Variants in DCHS2 observed in about 807,000 individuals in gnomAD.
DCHS2 encodes the protein protocadherin-23.
In DCHS2, 142 loss-of-function variants were observed where a neutral mutation model predicts 182.4. The observed-to-expected ratio is 0.78, with a 90% CI of 0.68 to 0.89. The LOEUF is 0.89. DCHS2 is among the 40% of genes least tolerant of loss of function. The pLI is 0.00. For synonymous variants in DCHS2, 1,740 were observed against 1,663.3 expected, an observed-to-expected ratio of 1.05 and a Z score of -1.12; for missense variants, 4,319 against 4,198.6, an observed-to-expected ratio of 1.03 and a Z score of -0.79.
intron 12 of DCHS2, among the ~76,000 whole-genome samples, chr4:154,300,327 A>C (rs2130705): frequency 0.29 from 43,460 of 151,758 alleles, 7,059 homozygotes; most frequent in East Asian, 0.47. Context: ...AGGATTTTGG[A>C]CAGGAAAGTG....
At position 154,474,497 on chromosome 4, in the gene DCHS2, G is replaced by A. The variant is rs191758929; in HGVS notation, c.2052+14807C>T. Among the ~76,000 whole-genome samples the A allele has an allele frequency of 2.6e-5, 4 of 152,280 alleles. No homozygotes were observed. In the East Asian group the frequency reaches 7.8e-4, roughly 30 times the overall value. ...ATCTGAAGGGCACCTCCATCCCAGA[G>A]CTCCCTACAGGAGAGACTGAGGTCT... On this transcript the variant is annotated intron_variant, in intron 1 of 19. Transcript: ENST00000357232.
chr4:154,489,997 C>T lies in DCHS2; in HGVS notation c.1359G>A (p.Glu453=). The change falls in exon 1 of 20, where the codon GAG becomes GAA. Residue 453 remains glutamate, a synonymous_variant. Coordinates refer to ENST00000357232, the MANE Select transcript of DCHS2 (RefSeq NM_001358235.2). ...DADGDWEKED[E]ATGELGVGLG... is the part of the protein sequence containing the mutation. ...GACCCACACCAAGCTCCCCTGTGGC[C>T]TCATCTTCCTTCTCCCAGTCACCGT... The T allele has an allele frequency of 1.3e-6, 2 of 1,549,846 alleles. No homozygotes were observed. The highest frequency in any genetic ancestry group is 1.7e-6 in the Non-Finnish European group (2 of 1,146,894).
Position 154,298,432 on chromosome 4 carries a change from T to A in DCHS2, c.5882A>T (p.Asp1961Val), listed in dbSNP as rs775222616. 3.7e-6 allele frequency: 6 copies of A among 1,614,086 alleles called. No homozygotes were observed. The highest frequency in any genetic ancestry group is 1.7e-5 in the Admixed American group (1 of 60,002). ...VVLVLSAVDKDEGLNGQTEYF... is the reference protein window; with the variant it reads ...VVLVLSAVDKVEGLNGQTEYF... ...CTCAGTTTGCCCATTCAGGCCTTCA[T>A]CCTTGTCCACAGCTGAAAGCACAAG... The change falls in exon 13 of 20, where the codon GAT becomes GTT. Residue 1961 changes from aspartate (D) to valine (V), a missense_variant. By Grantham distance (152) the Asp-to-Val change is radical. Coordinates refer to ENST00000357232, the MANE Select transcript of DCHS2 (RefSeq NM_001358235.2).
chr4:154,273,629 A>G (rs978276526), intron 13 of DCHS2, among the ~76,000 whole-genome samples: 1 of 152,040 alleles, frequency 6.6e-6, no homozygotes, highest in Non-Finnish European at 1.5e-5. Flanking sequence ...TAAAAGAAAC[A>G]AAAAAACAAA....
rs1389425299 is a variant in DCHS2 at position 154,490,437 on chromosome 4, C to G, written c.919G>C (p.Glu307Gln). Residue 307 changes from glutamate to glutamine, a missense_variant, in exon 1 of 20, where the codon GAG (glutamate) becomes CAG (glutamine). Glu to Gln is a conservative substitution (Grantham distance 29). Coordinates refer to ENST00000357232, the MANE Select transcript of DCHS2 (RefSeq NM_001358235.2). ...ACCTCGGCGCCCGGCTGGGCGTCCT[C>G]GCGCACCGCGGCGCGGTACTCGTCC... The part of the protein sequence containing the change: ...EQDEYRAAVR[E>Q]DAQPGAEVCR... 4 of 1,534,552 alleles carry G rather than the reference C, an allele frequency of 2.6e-6. No individual in the cohort carries two copies. Among genetic ancestry groups the G allele is most frequent in the African/African-American group, 1.4e-5 (1 of 72,898 alleles).
At chr4:154,375,814 A>G (rs1023082276) in intron 2 of DCHS2, among the ~76,000 whole-genome samples, 8 of 152,206 alleles carry the variant, frequency 5.3e-5, no homozygotes, top group Admixed American at 4.6e-4. Context: ...TGTTAAAAGA[A>G]GCATAGCCTA....
At chr4:154,452,815 T>C (rs2110979993) in intron 1 of DCHS2, among the ~76,000 whole-genome samples, 1 of 152,320 alleles carries the variant, frequency 6.6e-6, no homozygotes, top group Middle Eastern at 3.4e-3. Context: ...TGTTACTTAT[T>C]ACAAATTGAG....
At chr4:154,475,618 A>G (rs1735650072) in intron 1 of DCHS2, among the ~76,000 whole-genome samples, 1 of 152,202 alleles carries the variant, frequency 6.6e-6, no homozygotes, top group Admixed American at 6.6e-5. Context: ...TTAACCCAGC[A>G]GGCAGAGGAC....
rs541331021 is a variant in DCHS2 at position 154,481,852 on chromosome 4, A to C, written c.2052+7452T>G. 6.6e-5 allele frequency among the ~76,000 whole-genome samples: 10 copies of C among 152,344 alleles called. No individual in the cohort carries two copies. In the South Asian group the frequency reaches 8.3e-4, roughly 13 times the overall value. ...TTGGGTATGTTTCACTCTGCATTGC[A>C]AGCTTTTATCCACGGGATTACTCTT... is the stretch of plus-strand genomic sequence containing the variant. On this transcript the variant is annotated intron_variant, in intron 1 of 19. Transcript: ENST00000357232.
chr4:154,237,460 C>A (rs1052580601), intron 19 of DCHS2: 1 of 221,232 alleles, frequency 4.5e-6, no homozygotes. Context: ...TTCCACTATT[C>A]TTAAAAAATA....
chr4:154,291,317 G>A (rs190455648), intron 13 of DCHS2, among the ~76,000 whole-genome samples: 3 of 152,048 alleles, frequency 2.0e-5, no homozygotes, highest in Admixed American at 1.3e-4. Flanking sequence ...TGTTGAGAAA[G>A]GGGAATCCTT....
intron 14 of DCHS2, among the ~76,000 whole-genome samples, chr4:154,263,968 A>T (rs1220169099): frequency 2.6e-5 from 4 of 151,702 alleles, no homozygotes; most frequent in Non-Finnish European, 5.9e-5. Flanking sequence ...TTTTTTTTTT[A>T]ACCTTGGTGT....
rs3063678 is a variant in DCHS2, at chr4:154,446,960, G to GCACACA, written c.2052+42338_2052+42343dup. On this transcript the variant is annotated intron_variant, in intron 1 of 19. Transcript: ENST00000357232. The stretch of plus-strand genomic sequence containing the variant: ...TACACACAGGCACACTCATACACAC[G>GCACACA]CACACACACACACACACATAATAAA... Among the ~76,000 whole-genome samples, 3 of 150,346 alleles carry GCACACA rather than the reference G, an allele frequency of 2.0e-5. No homozygotes were observed. In the South Asian group the frequency reaches 6.3e-4, roughly 32 times the overall value.
chr4:154,423,458 C>T (rs1383533141), intron 1 of DCHS2, among the ~76,000 whole-genome samples: 1 of 152,154 alleles, frequency 6.6e-6, no homozygotes, highest in Admixed American at 6.5e-5. Flanking sequence ...AAATGTAAGT[C>T]CTACAAAACC....
intron 3 of DCHS2, among the ~76,000 whole-genome samples, chr4:154,355,198 G>A (rs576137102): frequency 1.3e-5 from 2 of 152,078 alleles, no homozygotes; most frequent in South Asian, 4.2e-4. Context: ...CAAAGACTCT[G>A]CTGATAAACA....
intron 9 of DCHS2, among the ~76,000 whole-genome samples, chr4:154,317,088 AACTC>A (rs1207959259): frequency 6.6e-6 from 1 of 152,238 alleles, no homozygotes; most frequent in Non-Finnish European, 1.5e-5. Flanking sequence ...AGCCACAAAA[AACTC>A]ACTGTCTTCT....
chr4:154,489,567 C>A lies in DCHS2; in HGVS notation c.1789G>T (p.Val597Phe), dbSNP rs1342611062. The A allele has an allele frequency of 6.4e-7, 1 of 1,551,130 alleles. No individual in the cohort carries two copies. Among genetic ancestry groups the A allele is most frequent in the African/African-American group, 1.4e-5 (1 of 73,128 alleles). The stretch of plus-strand genomic sequence containing the variant: ...GATGGTCCACACTCTGCGGTGTGGA[C>A]CATCTTTGATTGCAGGGAGCCGAGA... Reference protein sequence around the residue: ...CNLGSLQSKMVHTAECGPSFA... With the variant: ...CNLGSLQSKMFHTAECGPSFA... The change falls in exon 1 of 20, where the codon GTC becomes TTC. Residue 597 changes from valine (V) to phenylalanine (F), a missense_variant. Transcript: ENST00000357232.
intron 7 of DCHS2, among the ~76,000 whole-genome samples, chr4:154,324,133 T>A (rs955033673): frequency 2.0e-5 from 3 of 152,222 alleles, no homozygotes; most frequent in Non-Finnish European, 2.9e-5. Context: ...ATAAGTAAAA[T>A]TTTGTCTTGC....
intron 1 of DCHS2, among the ~76,000 whole-genome samples, chr4:154,406,892 G>A (rs2110883594): frequency 6.6e-6 from 1 of 152,330 alleles, no homozygotes; most frequent in East Asian, 1.9e-4. Context: ...GAAGTTATCA[G>A]CATCATGTTC....
Sources: allele counts gnomAD v4.1 joint callset (sites outside exome capture counted in the v4.1 genomes callset), GRCh38; gene constraint gnomAD v4.1.1; transcripts MANE v1.5; gene names NCBI Gene and HGNC (gene_info 2026-07-23, HGNC 2026-07-21).